GABPA: variants seen among roughly 807,000 people sequenced by gnomAD.
GABPA encodes GA binding protein transcription factor subunit alpha.
In GABPA, 4 loss-of-function variants were observed where a neutral mutation model predicts 59.4. The observed-to-expected ratio is 0.07, with a 90% confidence interval of 0.03 to 0.15. GABPA has a LOEUF of 0.15. Among genes scored for constraint, GABPA ranks in the 10% least tolerant of loss-of-function variants. GABPA has a pLI of 1.00. For synonymous variants in GABPA, 164 were observed against 183.1 expected (o/e 0.90, Z 0.84); for missense variants, 251 against 543.8 (o/e 0.46, Z 5.36).
At chr21:25,764,398 G>A (rs780283733) in intron 8 of GABPA, 48 bp downstream of exon 8, 1 of 1,507,150 alleles carries the variant, frequency 6.6e-7, no homozygotes, top group South Asian at 1.2e-5. Context: ...ATCTAATTAG[G>A]TATATTTTGT....
At chr21:25,747,262 C>T (rs1247912220) in intron 3 of GABPA, among the ~76,000 whole-genome samples, 1 of 152,122 alleles carries the variant, frequency 6.6e-6, no homozygotes, top group Non-Finnish European at 1.5e-5. Context: ...CCTGGTTTTG[C>T]TCATATGTAA....
chr21:25,741,064 A>C (rs567675219), intron 1 of GABPA, among the ~76,000 whole-genome samples: 1 of 152,356 alleles, frequency 6.6e-6, no homozygotes, highest in Non-Finnish European at 1.5e-5. Flanking sequence ...AGATTAATGA[A>C]GTTGTCATGT....
chr21:25,741,487 T>G, intron 1 of GABPA, 86 bp from the exon 2 acceptor site: 1 of 562,984 alleles, frequency 1.8e-6, no homozygotes, highest in Non-Finnish European at 3.0e-6. Context: ...GGCGTTTGCT[T>G]TTTATTTGGA....
At position 25,764,295 on chromosome 21, in the gene GABPA, A is replaced by G; in HGVS notation, c.888A>G (p.Val296=). 2 of 1,612,684 alleles carry G rather than the reference A, an allele frequency of 1.2e-6. No homozygotes were observed. The highest frequency in any genetic ancestry group is 1.7e-6 in the Non-Finnish European group (2 of 1,179,174). Residue 296 remains valine (V), a synonymous_variant, in exon 8 of 10, where the codon GTA becomes GTG. Transcript: ENST00000400075. ...VINSSAKAAK[V]QRAPRISGED... is the part of the protein sequence containing the mutation. ...ATAGTAGTGCGAAAGCAGCCAAAGT[A>G]CAAAGAGCGCCGAGGATTTCAGGAG...
chr21:25,746,224 A>C lies in GABPA; in HGVS notation c.222+870A>C, dbSNP rs2035360245. Among the ~76,000 whole-genome samples, 3 of 152,110 alleles carry C rather than the reference A, an allele frequency of 2.0e-5. No homozygotes were observed. In the South Asian group the frequency reaches 6.2e-4, roughly 32 times the overall value. ...GACACGGGGTTTTGCTGTGTTGGCC[A>C]GGCTGCTCTTGAACTCCTGATCTCA... On this transcript the variant is annotated intron_variant, in intron 3 of 9. Coordinates refer to ENST00000400075, the MANE Select transcript of GABPA (RefSeq NM_002040.4).
intron 9 of GABPA, 125 bp downstream of exon 9, chr21:25,764,912 T>G: frequency 1.5e-6 from 1 of 646,740 alleles, no homozygotes; most frequent in Non-Finnish European, 2.4e-6. Flanking sequence ...GTTTTTTTCT[T>G]TACATATTAA....
At chr21:25,753,908 C>T (rs1381993906) in intron 5 of GABPA, among the ~76,000 whole-genome samples, 1 of 152,032 alleles carries the variant, frequency 6.6e-6, no homozygotes, top group Admixed American at 6.6e-5. Context: ...CACTGTTTTC[C>T]CTAGGACATT....
In GABPA at chr21:25,770,807, C is replaced by T. The variant is rs982958356; in HGVS notation, c.*1575C>T. On this transcript the variant is annotated 3_prime_UTR_variant, in exon 10 of 10. Transcript: ENST00000400075. ...GAAGAGAAGAGAGAGAGGGAGGGAT[C>T]TTTGATCTCTTTCTCTGGTAATCTT... is the stretch of plus-strand genomic sequence containing the variant. The T allele has an allele frequency of 2.0e-5, 3 of 152,040 alleles. No individual in the cohort carries two copies. The highest frequency in any genetic ancestry group is 2.9e-5 in the Non-Finnish European group (2 of 67,908). 9.4% of individuals were successfully genotyped at this position (152,040 alleles called of 1,614,324 possible).
rs767861955 is a variant in GABPA, at chr21:25,749,053, T to C, written c.240T>C (p.Ser80=). Residue 80 remains serine (S), a synonymous_variant, in exon 4 of 10, where the codon AGT becomes AGC. Transcript: ENST00000400075. ...ATGGTTAGCTGGATCCAGAACGAAGTTTATTTGACCAAGGAGTAAAAACAG... is the reference window on the plus strand; with the variant it reads ...ATGGTTAGCTGGATCCAGAACGAAGCTTATTTGACCAAGGAGTAAAAACAG... ...LQDIQLDPER[S]LFDQGVKTDG... 2 of 1,606,380 alleles carry C rather than the reference T, an allele frequency of 1.2e-6. No homozygotes were observed. The highest frequency in any genetic ancestry group is 4.5e-5 in the East Asian group (2 of 44,750).
chr21:25,755,681 G>C (rs896791451), intron 5 of GABPA, among the ~76,000 whole-genome samples: 1 of 151,994 alleles, frequency 6.6e-6, no homozygotes, highest in East Asian at 1.9e-4. Context: ...GTGTCTGTTC[G>C]TGTCTCTCCC....
chr21:25,764,530 G>A lies in GABPA; in HGVS notation c.944-65G>A, dbSNP rs1018163124. 3.3e-6 allele frequency: 5 copies of A among 1,504,606 alleles called. No individual in the cohort carries two copies. In the African/African-American group the frequency reaches 5.6e-5, roughly 17 times the overall value. The allele number at this position is 1,504,606 out of a possible 1,614,324, so 93.2% of individuals were successfully genotyped here. A position where few individuals can be genotyped will look rare whatever the true frequency, so the allele number is the denominator to read the frequency against. ...GAGATTTAAACCACGGGACCAGTTTGTTGTCTTTGCCTTGGGCTAATCTAT... is the reference window on the plus strand; with the variant it reads ...GAGATTTAAACCACGGGACCAGTTTATTGTCTTTGCCTTGGGCTAATCTAT... On this transcript the variant is annotated intron_variant, in intron 8 of 9. Coordinates refer to ENST00000400075, the MANE Select transcript of GABPA (RefSeq NM_002040.4).
At chr21:25,756,247 G>T (rs1366014406) in intron 5 of GABPA, among the ~76,000 whole-genome samples, 1 of 152,066 alleles carries the variant, frequency 6.6e-6, no homozygotes, top group Non-Finnish European at 1.5e-5. Context: ...TTTTAAAAGA[G>T]GTGTGTTTCA....
In GABPA at chr21:25,770,594, A is replaced by G. The variant is rs1419802229; in HGVS notation, c.*1362A>G. On this transcript the variant is annotated 3_prime_UTR_variant, in exon 10 of 10. Transcript: ENST00000400075. ...CAGATTTGAGAAAGTTGATTCTCAA[A>G]TATTTATGCACCTTCTCCTTCATTG... The G allele has an allele frequency of 2.0e-5, 3 of 152,142 alleles. No homozygotes were observed. The highest frequency in any genetic ancestry group is 4.4e-5 in the Non-Finnish European group (3 of 67,962). 9.4% of individuals were successfully genotyped at this position (152,142 alleles called of 1,614,324 possible). A position where few individuals can be genotyped will look rare whatever the true frequency, so the allele number is the denominator to read the frequency against.
intron 1 of GABPA, among the ~76,000 whole-genome samples, chr21:25,737,394 A>G (rs569057752): frequency 9.8e-4 from 149 of 152,376 alleles, no homozygotes; most frequent in Middle Eastern, 3.4e-3. Context: ...TGGACTAAGC[A>G]TAGAGAACCA....
At chr21:25,762,471 A>G (rs1601147731) in intron 7 of GABPA, 106 bp downstream of exon 7, 3 of 713,258 alleles carry the variant, frequency 4.2e-6, no homozygotes, top group Admixed American at 5.7e-5. Flanking sequence ...TTTTCTACAC[A>G]CAAAATATCT....
chr21:25,737,429 CTG>C (rs1380948879), intron 1 of GABPA, among the ~76,000 whole-genome samples: 2 of 152,168 alleles, frequency 1.3e-5, no homozygotes, highest in African/African-American at 4.8e-5. Context: ...ATTTAAGAGA[CTG>C]AGTAATATTT....
chr21:25,740,794 C>T (rs139292673), intron 1 of GABPA, among the ~76,000 whole-genome samples: 10 of 152,176 alleles, frequency 6.6e-5, no homozygotes, highest in Non-Finnish European at 1.5e-4. Flanking sequence ...AATATTCTTG[C>T]ATTTATAAGA....
At chr21:25,748,211 C>T (rs1469814192) in intron 3 of GABPA, among the ~76,000 whole-genome samples, 1 of 152,132 alleles carries the variant, frequency 6.6e-6, no homozygotes, top group East Asian at 1.9e-4. Context: ...CAGCCGTACA[C>T]AGTTTGTCTT....
rs200557647 is a variant in GABPA at position 25,752,252 on chromosome 21, T to G, written c.553+18T>G. ...ACCCTATGGTAATAAAATGCATAAT[T>G]CTATATTGGGTAGAATAATAGGAAT... On this transcript the variant is annotated intron_variant, in intron 5 of 9. Transcript: ENST00000400075. 8.7e-6 allele frequency: 14 copies of G among 1,612,012 alleles called. No homozygotes were observed. In the African/African-American group the frequency reaches 1.2e-4, roughly 14 times the overall value.
Sources: allele counts gnomAD v4.1 joint callset (sites outside exome capture counted in the v4.1 genomes callset), GRCh38; gene constraint gnomAD v4.1.1; transcripts MANE v1.5; gene names NCBI Gene and HGNC (gene_info 2026-07-23, HGNC 2026-07-21).